The following PXK variants were observed in gnomAD, a reference collection of about 807,000 sequenced individuals.
The protein encoded by PXK is PX domain containing serine/threonine kinase like.
PXK carries 35 observed loss-of-function variants against 84.7 expected under a neutral mutation model. The ratio of observed to expected loss-of-function variants is 0.41; its 90% CI spans 0.32 to 0.55. The LOEUF is 0.55. PXK is among the 20% of genes least tolerant of loss of function. The pLI, the probability that PXK is intolerant of heterozygous loss-of-function variation, is 0.21. For synonymous variants in PXK, 253 were observed against 260.8 expected, an observed-to-expected ratio of 0.97 and a Z score of 0.29; for missense variants, 634 against 699.7, an observed-to-expected ratio of 0.91 and a Z score of 1.06.
intron 1 of PXK, among the ~76,000 whole-genome samples, chr3:58,345,223 C>T (rs1575723486): frequency 6.6e-6 from 1 of 152,102 alleles, no homozygotes; most frequent in African/African-American, 2.4e-5. Flanking sequence ...TTAGGGAACT[C>T]GGAGTGGTTA....
intron 1 of PXK, among the ~76,000 whole-genome samples, chr3:58,350,125 A>G (rs911084269): frequency 3.3e-5 from 5 of 152,246 alleles, no homozygotes; most frequent in Non-Finnish European, 5.9e-5. Flanking sequence ...GCTGAGGATC[A>G]CATAAACCTG....
Position 58,385,363 on chromosome 3 carries a change from G to C in PXK, c.388+2663G>C, listed in dbSNP as rs529688074. ...GTCTAGCCTCAAGGCTGACATACCAGCCACCTCAGGAAAAGGAAGCATAGG... is the reference window on the plus strand; with the variant it reads ...GTCTAGCCTCAAGGCTGACATACCACCCACCTCAGGAAAAGGAAGCATAGG... On this transcript the variant is annotated intron_variant, in intron 4 of 17. Coordinates refer to ENST00000356151, the MANE Select transcript of PXK (RefSeq NM_017771.5). The surrounding 1 kb of genome is among the most constrained non-coding windows in gnomAD (Gnocchi z 5.1). 5.9e-5 allele frequency among the ~76,000 whole-genome samples: 9 copies of C among 152,302 alleles called. No individual in the cohort carries two copies. Among genetic ancestry groups the C allele is most frequent in the African/African-American group, 2.2e-4 (9 of 41,562 alleles).
rs567316421 is a variant in PXK, at chr3:58,421,504, C to T, written c.1529-3248C>T. On this transcript the variant is annotated intron_variant, in intron 17 of 17. Coordinates refer to ENST00000356151, the MANE Select transcript of PXK (RefSeq NM_017771.5). This position sits in a 1 kb window ranked among gnomAD's most constrained non-coding sequence, Gnocchi z 5.5. ...GCTGAGGCAGAGAATCACTTGAACC[C>T]GGGAGGCGGAGCTTGCAGTGAGCCG... 1.1e-4 allele frequency: 97 copies of T among 869,394 alleles called. No homozygotes were observed. Among genetic ancestry groups the T allele is most frequent in the Non-Finnish European group, 1.3e-4 (91 of 722,578 alleles). 53.9% of individuals were successfully genotyped at this position (869,394 alleles called of 1,614,324 possible). A position where few individuals can be genotyped will look rare whatever the true frequency, so the allele number is the denominator to read the frequency against.
Position 58,387,030 on chromosome 3 carries a change from C to G in PXK, c.389-3552C>G, listed in dbSNP as rs1442339887. Among the ~76,000 whole-genome samples, 3 of 152,204 alleles carry G rather than the reference C, an allele frequency of 2.0e-5. No homozygotes were observed. In the South Asian group the frequency reaches 6.2e-4, roughly 31 times the overall value. On this transcript the variant is annotated intron_variant, in intron 4 of 17. Transcript: ENST00000356151. ...CAATCTGCTGTGGTGGACTAGGAGT[C>G]TGGACCCTAGCTCCAGTCCTAGAGG...
intron 3 of PXK, among the ~76,000 whole-genome samples, chr3:58,380,473 ACAG>A (rs2098487357): frequency 6.6e-6 from 1 of 152,046 alleles, no homozygotes; most frequent in Non-Finnish European, 1.5e-5. Flanking sequence ...TGAACCTTTA[ACAG>A]CAGCACTATA....
chr3:58,337,299 C>A (rs1454754965), intron 1 of PXK, among the ~76,000 whole-genome samples: 1 of 152,170 alleles, frequency 6.6e-6, no homozygotes, highest in Non-Finnish European at 1.5e-5. Flanking sequence ...ATGGATCTCT[C>A]CTTGAACTTT....
At position 58,397,073 on chromosome 3, in the gene PXK, A is replaced by T; in HGVS notation, c.857A>T (p.Tyr286Phe). The part of the protein sequence containing the change: ...LKFLHDKGFP[Y>F]GHLHASNVML... ...TTTCTTCATGACAAGGGATTCCCTT[A>T]TGGGCATCTTCACGCCTCCAATGTG... Residue 286 changes from tyrosine to phenylalanine, a missense_variant, in exon 10 of 18, where the codon TAT becomes TTT. Transcript: ENST00000356151. This position sits in a 1 kb window ranked among gnomAD's most constrained non-coding sequence, Gnocchi z 4.7. 1 of 1,614,204 alleles carries T rather than the reference A, an allele frequency of 6.2e-7. No homozygotes were observed. Among genetic ancestry groups the T allele is most frequent in the Non-Finnish European group, 8.5e-7 (1 of 1,180,036 alleles).
At chr3:58,363,776 C>T (rs937820995) in intron 1 of PXK, among the ~76,000 whole-genome samples, 31 of 152,070 alleles carry the variant, frequency 2.0e-4, no homozygotes, top group Non-Finnish European at 2.8e-4. Context: ...CTAGATCTTC[C>T]AGTAGTTTGT....
chr3:58,365,525 A>G (rs560865337), intron 1 of PXK, among the ~76,000 whole-genome samples: 181 of 152,326 alleles, frequency 1.2e-3, no homozygotes, highest in African/African-American at 4.0e-3. Flanking sequence ...AAGTTCTTCT[A>G]TATCCTAGTT....
chr3:58,334,257 A>G (rs578141863), intron 1 of PXK, among the ~76,000 whole-genome samples: 15 of 152,330 alleles, frequency 9.8e-5, no homozygotes, highest in Admixed American at 2.0e-4. Context: ...GAATTGTTCA[A>G]AGCATTCACT....
At chr3:58,354,447 AGT>A (rs2098021121) in intron 1 of PXK, among the ~76,000 whole-genome samples, 1 of 141,302 alleles carries the variant, frequency 7.1e-6, no homozygotes. Context: ...GCTGCTTCCT[AGT>A]TTTTTTTTTT....
At position 58,412,035 on chromosome 3, in the gene PXK, G is replaced by T. The variant is rs2060274281; in HGVS notation, c.1466-866G>T. Among the ~76,000 whole-genome samples the T allele has an allele frequency of 6.6e-6, 1 of 152,284 alleles. No individual in the cohort carries two copies. The highest frequency in any genetic ancestry group is 2.4e-5 in the African/African-American group (1 of 41,560). On this transcript the variant is annotated intron_variant, in intron 16 of 17. Transcript: ENST00000356151. This position sits in a 1 kb window ranked among gnomAD's most constrained non-coding sequence, Gnocchi z 6.2. ...TGGGGCCTTAACCACACCAGCTCTG[G>T]TGGCTTCTCAGGCGTGTGATGGCAG...
chr3:58,361,071 C>T (rs574907640), intron 1 of PXK, among the ~76,000 whole-genome samples: 5 of 151,556 alleles, frequency 3.3e-5, no homozygotes, highest in African/African-American at 7.3e-5. Flanking sequence ...CTGAGGTGGG[C>T]GGATCACCTG....
chr3:58,352,576 TA>T (rs937793301), intron 1 of PXK, among the ~76,000 whole-genome samples: 12 of 152,238 alleles, frequency 7.9e-5, no homozygotes, highest in African/African-American at 2.2e-4. Context: ...TAAAGTTTGG[TA>T]TTTTTTTTCT....
chr3:58,336,071 A>ATATATATATTT (rs1284780630), intron 1 of PXK, among the ~76,000 whole-genome samples: 4 of 51,584 alleles, frequency 7.8e-5, no homozygotes, highest in African/African-American at 1.0e-4. Context: ...ATATATATAT[A>ATATATATATTT]TTTTTTTTTT....
intron 1 of PXK, among the ~76,000 whole-genome samples, chr3:58,356,938 G>C (rs1339480073): frequency 3.3e-5 from 5 of 151,190 alleles, no homozygotes; most frequent in African/African-American, 9.7e-5. Context: ...GGAAACTTGA[G>C]GTGAAAACAG....
At chr3:58,353,621 G>A (rs1459941363) in intron 1 of PXK, among the ~76,000 whole-genome samples, 1 of 152,194 alleles carries the variant, frequency 6.6e-6, no homozygotes, top group Non-Finnish European at 1.5e-5. Context: ...GGTGGCCAGT[G>A]AGCTAAGCAG....
chr3:58,404,942 A>T (rs2059160581), intron 13 of PXK, among the ~76,000 whole-genome samples: 1 of 152,140 alleles, frequency 6.6e-6, no homozygotes, highest in African/African-American at 2.4e-5. Context: ...AAAAACATTT[A>T]AATTTAATGT....
chr3:58,382,889 AC>A (rs1208047170), intron 4 of PXK, among the ~76,000 whole-genome samples, 189 bp downstream of exon 4: 3 of 152,260 alleles, frequency 2.0e-5, no homozygotes, highest in Admixed American at 2.0e-4. Flanking sequence ...AAAATAAGTT[AC>A]TTCCAAAATA....
Sources: allele counts gnomAD v4.1 joint callset (sites outside exome capture counted in the v4.1 genomes callset), GRCh38; gene constraint gnomAD v4.1.1; non-coding constraint Gnocchi (gnomAD v3.1); transcripts MANE v1.5; gene names NCBI Gene and HGNC (gene_info 2026-07-23, HGNC 2026-07-21).